The following DMXL2 variants were observed in gnomAD, a reference collection of about 807,000 sequenced individuals.
The protein encoded by DMXL2 is Dmx like 2.
DMXL2 carries 103 observed loss-of-function variants against 331.1 expected under a neutral mutation model. The observed-to-expected ratio is 0.31, with a 90% confidence interval of 0.27 to 0.37. The LOEUF (loss-of-function observed/expected upper bound fraction) is 0.37. Ranked by LOEUF, DMXL2 falls within the 10% of genes least tolerant of loss-of-function variation. The pLI is 1.00. For missense variants in DMXL2, 3,171 were observed against 3,642.9 expected (o/e 0.87, Z 3.33); for synonymous variants, 1,281 against 1,252.1 (o/e 1.02, Z -0.49).
rs764405799 is a variant in DMXL2, at chr15:51,568,550, A to G, written c.222T>C (p.Ala74=). 21 of 1,572,460 alleles carry G rather than the reference A, an allele frequency of 1.3e-5. No individual in the cohort carries two copies. The South Asian group carries it at 2.4e-4, about 18-fold the overall frequency. The stretch of plus-strand genomic sequence containing the variant: ...ATATACAAACAGCATTACCATATGA[A>G]GCTGCAATCTAAAAAAGAATAAATA... ...ECSNQQGRIA[A]SYGNAVCIFE... The change falls in exon 3 of 44, where the codon GCT becomes GCC. Residue 74 remains alanine, a synonymous_variant. Transcript: ENST00000560891.
chr15:51,479,979 GT>G lies in DMXL2; in HGVS notation c.6724del (p.Thr2242HisfsTer10). On this transcript the variant is annotated frameshift_variant, in exon 25 of 44. Transcript: ENST00000560891. LOFTEE classifies it high-confidence loss of function. ...ATCTTCAATACTGGGATGAGGTGGT[GT>G]TTTCATCTGAACAATAGTATAAAGT... ...DILYTIVQMKTPPHPSIEDVK... is the reference protein window; with the variant it reads ...DILYTIVQMKXPPHPSIEDVK... 6.6e-7 allele frequency: 1 copy of G among 1,523,784 alleles called. No individual in the cohort carries two copies. The highest frequency in any genetic ancestry group is 8.9e-7 in the Non-Finnish European group (1 of 1,120,826). 94.4% of individuals were successfully genotyped at this position (1,523,784 alleles called of 1,614,324 possible).
intron 6 of DMXL2, among the ~76,000 whole-genome samples, chr15:51,559,378 A>G (rs2049806539): frequency 6.6e-6 from 1 of 152,226 alleles, no homozygotes; most frequent in East Asian, 1.9e-4. Flanking sequence ...TAAATAAATG[A>G]AAAGGTATTT....
At chr15:51,568,348 A>T in intron 3 of DMXL2, 139 bp downstream of exon 3, 1 of 575,372 alleles carries the variant, frequency 1.7e-6, no homozygotes, top group African/African-American at 2.0e-5. Flanking sequence ...AAGGATCCTA[A>T]CATAAAGCAC....
chr15:51,605,200 T>C (rs2053496726), intron 1 of DMXL2, among the ~76,000 whole-genome samples: 1 of 151,940 alleles, frequency 6.6e-6, no homozygotes, highest in Non-Finnish European at 1.5e-5. Flanking sequence ...AAAAAACATA[T>C]AAATATATGT....
chr15:51,490,552 G>A (rs1266964683), intron 20 of DMXL2, among the ~76,000 whole-genome samples: 2 of 152,164 alleles, frequency 1.3e-5, no homozygotes, highest in African/African-American at 2.4e-5. Context: ...AAAAGGCACA[G>A]GCTAAATCTA....
intron 1 of DMXL2, among the ~76,000 whole-genome samples, chr15:51,596,831 A>AAACACCGCATGTTCTCACTCATAG (rs2052847834): frequency 6.6e-6 from 1 of 152,174 alleles, no homozygotes; most frequent in African/African-American, 2.4e-5. Flanking sequence ...ACAAAAAACC[A>AAACACCGCATGTTCTCACTCATAG]AACACCGCAT....
intron 1 of DMXL2, among the ~76,000 whole-genome samples, chr15:51,592,664 A>G (rs1426525259): frequency 2.0e-5 from 3 of 152,264 alleles, no homozygotes; most frequent in African/African-American, 7.2e-5. Flanking sequence ...GCGCAGCCAG[A>G]GAGAAAGGTC....
At chr15:51,450,856 A>G (rs574346352) in intron 42 of DMXL2, among the ~76,000 whole-genome samples, 65 of 152,376 alleles carry the variant, frequency 4.3e-4, no homozygotes, top group Non-Finnish European at 8.1e-4. Context: ...TCTGTAAGCA[A>G]TGTTAACCAC....
At chr15:51,532,999 G>C (rs565570121) in intron 13 of DMXL2, among the ~76,000 whole-genome samples, 1 of 152,154 alleles carries the variant, frequency 6.6e-6, no homozygotes, top group African/African-American at 2.4e-5. Context: ...AAATTCAATT[G>C]TATTTGTATA....
At chr15:51,574,855 T>G (rs1303806365) in intron 2 of DMXL2, among the ~76,000 whole-genome samples, 1 of 152,230 alleles carries the variant, frequency 6.6e-6, no homozygotes, top group African/African-American at 2.4e-5. Context: ...GTGTGTTCAT[T>G]GCGATTATCA....
chr15:51,481,330 A>T lies in DMXL2; in HGVS notation c.5776T>A (p.Phe1926Ile), dbSNP rs1418269470. The change falls in exon 24 of 44, where the codon TTC becomes ATC. Residue 1926 changes from phenylalanine (F) to isoleucine (I), a missense_variant. This residue lies in a region of DMXL2 where 244 missense variants were observed against 251.4 expected (regional missense o/e 0.97). Coordinates refer to ENST00000560891, the MANE Select transcript of DMXL2 (RefSeq NM_001378457.1). ...ALSAKKDQPD[F>I]ISHRMDDVPS... ...ACATCATCCATCCTGTGAGAAATGAAGTCAGGCTGATCTTTTTTTGCAGAT... is the reference window on the plus strand; with the variant it reads ...ACATCATCCATCCTGTGAGAAATGATGTCAGGCTGATCTTTTTTTGCAGAT... The T allele has an allele frequency of 1.9e-6, 3 of 1,614,138 alleles. No individual in the cohort carries two copies. Among genetic ancestry groups the T allele is most frequent in the East Asian group, 2.2e-5 (1 of 44,876 alleles).
chr15:51,519,495 A>G (rs2047220367), intron 13 of DMXL2, among the ~76,000 whole-genome samples: 1 of 152,112 alleles, frequency 6.6e-6, no homozygotes, highest in Non-Finnish European at 1.5e-5. Flanking sequence ...TAAAACTCAC[A>G]TATTACTTTA....
intron 1 of DMXL2, 113 bp from the exon 2 acceptor site, chr15:51,576,294 G>GCATAGTATTCCATGGTGTATATGTGCC: frequency 1.3e-6 from 1 of 777,942 alleles, no homozygotes; most frequent in Admixed American, 3.8e-5. Context: ...TATACCTTGG[G>GCATAGTATTCCATGGTGTATATGTGCC]ACATTTTACA....
chr15:51,480,676 G>C lies in DMXL2; in HGVS notation c.6430C>G (p.Arg2144Gly). The change falls in exon 24 of 44, where the codon CGA (arginine) becomes GGA (glycine). Residue 2144 changes from arginine (R) to glycine (G), a missense_variant. Coordinates refer to ENST00000560891, the MANE Select transcript of DMXL2 (RefSeq NM_001378457.1). ...TGGTTTTTCTGCAACCACGACTTTC[G>C]TCTTTCTGCATGCTCTCGTTTGGCC... The part of the protein sequence containing the change: ...LQAKREHAER[R>G]KSWLQKNQDL... The C allele has an allele frequency of 6.2e-7, 1 of 1,612,650 alleles. No homozygotes were observed. The highest frequency in any genetic ancestry group is 8.5e-7 in the Non-Finnish European group (1 of 1,178,900).
chr15:51,497,299 C>T (rs1314576783), intron 18 of DMXL2, among the ~76,000 whole-genome samples: 1 of 152,164 alleles, frequency 6.6e-6, no homozygotes, highest in East Asian at 1.9e-4. Context: ...AGATATTTTC[C>T]AGCTACCTTT....
At chr15:51,451,276 A>AAAAG (rs2039112814) in intron 42 of DMXL2, among the ~76,000 whole-genome samples, 1 of 152,184 alleles carries the variant, frequency 6.6e-6, no homozygotes, top group Non-Finnish European at 1.5e-5. Flanking sequence ...AAAAAGGAAA[A>AAAAG]AAAGACAAAA....
intron 21 of DMXL2, 73 bp downstream of exon 21, chr15:51,488,474 CA>C: frequency 7.7e-7 from 1 of 1,306,332 alleles, no homozygotes; most frequent in Non-Finnish European, 1.1e-6. Context: ...TAATTATTTT[CA>C]AAAGCATTAG....
At position 51,515,776 on chromosome 15, in the gene DMXL2, C is replaced by T. The variant is rs181307605; in HGVS notation, c.2527-1217G>A. On this transcript the variant is annotated intron_variant, in intron 14 of 43. Transcript: ENST00000560891. ...TTGTGAGAGCAGACTGTGTTAATAT[C>T]CCATGGTAATGAGTGCAAAGGAGGC... Among the ~76,000 whole-genome samples, 163 of 152,228 alleles carry T rather than the reference C, an allele frequency of 1.1e-3. 1 individual carries two copies. The highest frequency in any genetic ancestry group is 1.6e-4 in the Non-Finnish European group (11 of 67,996).
intron 1 of DMXL2, among the ~76,000 whole-genome samples, chr15:51,590,935 A>G (rs1432391786): frequency 6.6e-6 from 1 of 152,170 alleles, no homozygotes; most frequent in African/African-American, 2.4e-5. Context: ...CTCATTAAAA[A>G]TAGCAGACAA....
Sources: allele counts gnomAD v4.1 joint callset (sites outside exome capture counted in the v4.1 genomes callset), GRCh38; gene constraint gnomAD v4.1.1; regional missense constraint gnomAD v4.1.1; transcripts MANE v1.5; gene names NCBI Gene and HGNC (gene_info 2026-07-23, HGNC 2026-07-21).